Variants in FOXP2 observed in about 807,000 individuals in gnomAD.
The protein encoded by FOXP2 is forkhead box P2.
FOXP2 carries 12 observed loss-of-function variants against 115.8 expected under a neutral mutation model. That is an observed-to-expected ratio of 0.10 (90% CI 0.07 to 0.17). FOXP2 has a LOEUF of 0.17. FOXP2 is among the 10% of genes least tolerant of loss of function. FOXP2 has a pLI of 1.00. For synonymous variants in FOXP2, 328 were observed against 297.7 expected (o/e 1.10, Z -1.05); for missense variants, 629 against 843.5 (o/e 0.75, Z 3.15).
chr7:114,182,637 A>C (rs1793486801), intron 1 of FOXP2, among the ~76,000 whole-genome samples: 1 of 151,366 alleles, frequency 6.6e-6, no homozygotes, highest in African/African-American at 2.4e-5. Context: ...TGTAAAAAAT[A>C]TTTCAAGCTG....
intron 3 of FOXP2, among the ~76,000 whole-genome samples, chr7:114,576,065 A>G (rs1801560339): frequency 6.6e-6 from 1 of 151,494 alleles, no homozygotes; most frequent in South Asian, 2.1e-4. Context: ...TTCAGTAAGA[A>G]ATAAACTTAA....
intron 2 of FOXP2, among the ~76,000 whole-genome samples, chr7:114,495,754 G>C (rs1032865617): frequency 6.6e-6 from 1 of 151,860 alleles, no homozygotes; most frequent in Admixed American, 6.6e-5. Context: ...TGATCTGCCC[G>C]CCTCAGCCTC....
chr7:114,244,082 T>C (rs1489891949), intron 1 of FOXP2, among the ~76,000 whole-genome samples: 3 of 152,196 alleles, frequency 2.0e-5, no homozygotes, highest in African/African-American at 7.2e-5. Flanking sequence ...TTCTAAGAAG[T>C]TTAATGCATA....
intron 1 of FOXP2, among the ~76,000 whole-genome samples, chr7:114,130,214 G>A (rs972236494): frequency 2.6e-5 from 4 of 152,096 alleles, no homozygotes; most frequent in African/African-American, 2.4e-5. Flanking sequence ...CCCCAGCTAC[G>A]CAGGAGACTA....
intron 2 of FOXP2, among the ~76,000 whole-genome samples, chr7:114,397,000 A>G (rs1792761596): frequency 1.3e-5 from 2 of 152,150 alleles, no homozygotes; most frequent in Admixed American, 1.3e-4. Context: ...ATATCATTAT[A>G]TAATTAGCCT....
At chr7:114,372,247 T>C (rs931192326) in intron 2 of FOXP2, among the ~76,000 whole-genome samples, 4 of 152,174 alleles carry the variant, frequency 2.6e-5, no homozygotes, top group African/African-American at 9.7e-5. Flanking sequence ...TAAATCCTTA[T>C]ATTCTATTTA....
chr7:114,148,161 G>A (rs529813449), intron 1 of FOXP2, among the ~76,000 whole-genome samples: 7 of 152,100 alleles, frequency 4.6e-5, no homozygotes, highest in African/African-American at 1.7e-4. Context: ...AAGTAATTGT[G>A]TGAATTGCGG....
intron 2 of FOXP2, among the ~76,000 whole-genome samples, chr7:114,385,158 C>CG (rs1562897553): frequency 2.0e-5 from 3 of 151,520 alleles, no homozygotes; most frequent in African/African-American, 7.3e-5. Flanking sequence ...AGCTGTATAC[C>CG]TAAATCGGGA....
intron 2 of FOXP2, among the ~76,000 whole-genome samples, chr7:114,388,407 T>TTTA (rs34166936): frequency 1.5e-3 from 232 of 150,256 alleles, no homozygotes; most frequent in Non-Finnish European, 2.3e-3. Context: ...TTTTTTTTTT[T>TTTA]AGTCTCTGAG....
intron 2 of FOXP2, among the ~76,000 whole-genome samples, chr7:114,441,406 T>C (rs992436597): frequency 6.6e-6 from 1 of 151,786 alleles, no homozygotes; most frequent in African/African-American, 2.4e-5. Flanking sequence ...TAAGCCAAGA[T>C]CACATCACTG....
intron 2 of FOXP2, among the ~76,000 whole-genome samples, chr7:114,384,895 C>A (rs982822282): frequency 6.6e-6 from 1 of 151,924 alleles, no homozygotes; most frequent in African/African-American, 2.4e-5. Flanking sequence ...ATTTGCTACG[C>A]CCTTATTTAC....
In FOXP2 at chr7:114,692,904, G is replaced by T. The variant is rs769087294; in HGVS notation, c.*2978G>T. The T allele has an allele frequency of 1.8e-5, 8 of 453,766 alleles. No individual in the cohort carries two copies. Among genetic ancestry groups the T allele is most frequent in the African/African-American group, 1.4e-4 (7 of 49,934 alleles). The allele number at this position is 453,766 out of a possible 1,614,324, so 28.1% of individuals were successfully genotyped here. A position where few individuals can be genotyped will look rare whatever the true frequency, so the allele number is the denominator to read the frequency against. On this transcript the variant is annotated 3_prime_UTR_variant, in exon 17 of 17. Coordinates refer to ENST00000350908, the MANE Select transcript of FOXP2 (RefSeq NM_014491.4). ...ATGTTCATACTTTGAATTCTCTGAC[G>T]TTAGAAGTCATGGTTGAGAATTGTA...
At position 114,445,050 on chromosome 7, in the gene FOXP2, C is replaced by CT. The variant is rs965437465; in HGVS notation, c.168+18381dup. On this transcript the variant is annotated intron_variant, in intron 2 of 16. Coordinates refer to ENST00000350908, the MANE Select transcript of FOXP2 (RefSeq NM_014491.4). The stretch of plus-strand genomic sequence containing the variant: ...GTTTCCATTTTTTTAGAGCCAGTGG[C>CT]TTTTTTTTTTCTATTCAACTATTTT... Among the ~76,000 whole-genome samples the CT allele has an allele frequency of 6.2e-3, 926 of 148,352 alleles. 6 individuals are homozygous for CT. The highest frequency in any genetic ancestry group is 0.022 in the African/African-American group (873 of 40,590).
At chr7:114,654,936 TATC>T (rs1298573457) in intron 10 of FOXP2, among the ~76,000 whole-genome samples, 23 of 152,156 alleles carry the variant, frequency 1.5e-4, no homozygotes, top group Non-Finnish European at 3.1e-4. Context: ...TATCAATTAA[TATC>T]ATTCAAAATT....
At chr7:114,614,943 G>C (rs1291852140) in intron 3 of FOXP2, among the ~76,000 whole-genome samples, 2 of 152,064 alleles carry the variant, frequency 1.3e-5, no homozygotes, top group African/African-American at 4.8e-5. Flanking sequence ...AACTTTGGCT[G>C]GGCGCAGTGG....
chr7:114,252,413 A>T, intron 1 of FOXP2, among the ~76,000 whole-genome samples: 1 of 152,080 alleles, frequency 6.6e-6, no homozygotes, highest in Non-Finnish European at 1.5e-5. Flanking sequence ...CTGTGAATCC[A>T]TCTGGTCCTG....
intron 2 of FOXP2, among the ~76,000 whole-genome samples, chr7:114,440,978 C>A (rs1174805663): frequency 4.6e-5 from 7 of 152,068 alleles, no homozygotes; most frequent in Non-Finnish European, 8.8e-5. Context: ...GAAAATGTAA[C>A]CTTTGCTATT....
intron 1 of FOXP2, among the ~76,000 whole-genome samples, chr7:114,170,931 T>C (rs528197289): frequency 6.6e-6 from 1 of 152,356 alleles, no homozygotes; most frequent in South Asian, 2.1e-4. Flanking sequence ...AGATTTTCAA[T>C]GTGGATAGAA....
chr7:114,157,429 T>A (rs1792700779), intron 1 of FOXP2, among the ~76,000 whole-genome samples: 1 of 152,084 alleles, frequency 6.6e-6, no homozygotes, highest in African/African-American at 2.4e-5. Flanking sequence ...AGAATTTGAA[T>A]AGAGACATGC....
Sources: gnomAD v4.1 joint callset for allele counts (sites outside exome capture counted in the v4.1 genomes callset) on GRCh38, gnomAD v4.1.1 for gene constraint, MANE v1.5 for transcripts, NCBI Gene and HGNC (gene_info 2026-07-23, HGNC 2026-07-21) for gene names.